Variants in NEK10 observed in about 807,000 individuals in gnomAD.
NEK10 encodes the protein serine/threonine-protein kinase Nek10.
A neutral mutation model predicts 159.8 loss-of-function variants in NEK10; 122 were observed. The ratio of observed to expected loss-of-function variants is 0.76; its 90% CI spans 0.66 to 0.89. The LOEUF (loss-of-function observed/expected upper bound fraction) is 0.89. Ranked by LOEUF, NEK10 falls within the 40% of genes least tolerant of loss-of-function variation. The pLI is 0.00. For synonymous variants in NEK10, 466 were observed against 457.1 expected, an observed-to-expected ratio of 1.02 and a Z score of -0.25; for missense variants, 1,342 against 1,323.1, an observed-to-expected ratio of 1.01 and a Z score of -0.22.
chr3:27,282,093 A>C (rs977224138), intron 22 of NEK10, among the ~76,000 whole-genome samples: 1 of 152,182 alleles, frequency 6.6e-6, no homozygotes, highest in Non-Finnish European at 1.5e-5. Flanking sequence ...ACTTAACATA[A>C]AATTCTGCTG....
At chr3:27,142,404 T>C (rs1943872615) in intron 30 of NEK10, among the ~76,000 whole-genome samples, 1 of 152,156 alleles carries the variant, frequency 6.6e-6, no homozygotes, top group Non-Finnish European at 1.5e-5. Flanking sequence ...ATATGTGATG[T>C]GCATTATCTT....
intron 22 of NEK10, among the ~76,000 whole-genome samples, chr3:27,273,196 C>A (rs1048373014): frequency 6.6e-6 from 1 of 152,102 alleles, no homozygotes; most frequent in Non-Finnish European, 1.5e-5. Context: ...TATGCAAGAC[C>A]CTGCAGCCAT....
At chr3:27,330,054 TTG>T (rs1324228551) in intron 5 of NEK10, among the ~76,000 whole-genome samples, 2 of 152,208 alleles carry the variant, frequency 1.3e-5, no homozygotes, top group African/African-American at 2.4e-5. Flanking sequence ...CTTTTTATTG[TTG>T]TGTTTTTTAT....
intron 23 of NEK10, among the ~76,000 whole-genome samples, chr3:27,243,011 T>G (rs1236558672): frequency 1.3e-5 from 2 of 152,214 alleles, no homozygotes; most frequent in Non-Finnish European, 2.9e-5. Flanking sequence ...TTGTCACAGT[T>G]TAACAGTTTA....
At chr3:27,187,474 T>C (rs1478180211) in intron 26 of NEK10, among the ~76,000 whole-genome samples, 1 of 152,066 alleles carries the variant, frequency 6.6e-6, no homozygotes, top group Non-Finnish European at 1.5e-5. Flanking sequence ...CAAATTCATA[T>C]GAAATGAAAT....
intron 26 of NEK10, among the ~76,000 whole-genome samples, chr3:27,177,778 A>G (rs991696725): frequency 2.6e-5 from 4 of 152,182 alleles, no homozygotes; most frequent in South Asian, 2.1e-4. Context: ...GCTTTGCACA[A>G]TGCCTTACAC....
At chr3:27,297,346 T>TAAAAA in intron 13 of NEK10, 106 bp from the exon 14 acceptor site, 1 of 726,834 alleles carries the variant, frequency 1.4e-6, no homozygotes, top group Non-Finnish European at 2.3e-6. Context: ...GCTATTTTTA[T>TAAAAA]TAGCAAAGTA....
intron 22 of NEK10, among the ~76,000 whole-genome samples, chr3:27,260,340 G>GATAT (rs1338829243): frequency 4.6e-5 from 7 of 152,152 alleles, no homozygotes; most frequent in African/African-American, 1.7e-4. Context: ...CATTCAGTAT[G>GATAT]ATATTGCCTG....
intron 2 of NEK10, 69 bp from the exon 3 acceptor site, chr3:27,352,594 G>A (rs1172982153): frequency 4.4e-6 from 5 of 1,148,002 alleles, no homozygotes; most frequent in Non-Finnish European, 6.6e-6. Context: ...GTTACCCACT[G>A]ATGGCATTGC....
chr3:27,250,409 A>G (rs1041370620), intron 23 of NEK10, among the ~76,000 whole-genome samples: 1 of 152,014 alleles, frequency 6.6e-6, no homozygotes, highest in Admixed American at 6.6e-5. Context: ...GATGGTCTCG[A>G]TCTCCTGACC....
chr3:27,191,302 A>C (rs1219888171), intron 26 of NEK10, among the ~76,000 whole-genome samples: 1 of 152,178 alleles, frequency 6.6e-6, no homozygotes, highest in Non-Finnish European at 1.5e-5. Flanking sequence ...AACAGGAAAA[A>C]AAAAAAAAGG....
At chr3:27,270,951 A>G (rs1270543117) in intron 22 of NEK10, among the ~76,000 whole-genome samples, 1 of 152,160 alleles carries the variant, frequency 6.6e-6, no homozygotes, top group East Asian at 1.9e-4. Flanking sequence ...ATTATCTGAA[A>G]TTACTTTATG....
chr3:27,362,537 A>G (rs896415702), intron 1 of NEK10, among the ~76,000 whole-genome samples: 1 of 151,874 alleles, frequency 6.6e-6, no homozygotes, highest in African/African-American at 2.4e-5. Flanking sequence ...CACCAGAGGT[A>G]ATTATATGAG....
At chr3:27,232,824 T>C (rs1953452299) in intron 23 of NEK10, among the ~76,000 whole-genome samples, 1 of 152,032 alleles carries the variant, frequency 6.6e-6, no homozygotes, top group South Asian at 2.1e-4. Flanking sequence ...GGATACACTA[T>C]TCAATAAACG....
At chr3:27,122,529 A>T (rs948078429) in intron 32 of NEK10, among the ~76,000 whole-genome samples, 3 of 152,152 alleles carry the variant, frequency 2.0e-5, no homozygotes, top group African/African-American at 7.2e-5. Flanking sequence ...AGCCCTGAGC[A>T]TTCTGTATAT....
At chr3:27,164,043 A>C (rs144689615) in intron 29 of NEK10, among the ~76,000 whole-genome samples, 70 of 152,296 alleles carry the variant, frequency 4.6e-4, no homozygotes, top group African/African-American at 1.6e-3. Flanking sequence ...CTTGATCCTC[A>C]CCAGGCTAAC....
At chr3:27,311,044 G>A (rs1406068664) in intron 8 of NEK10, 28 bp from the exon 9 acceptor site, 2 of 1,459,626 alleles carry the variant, frequency 1.4e-6, no homozygotes, top group East Asian at 2.3e-5. Context: ...AGCGCAAAGA[G>A]GCATCCAGAG....
At chr3:27,123,594 T>C (rs995537979) in intron 32 of NEK10, among the ~76,000 whole-genome samples, 2 of 152,206 alleles carry the variant, frequency 1.3e-5, no homozygotes, top group Non-Finnish European at 2.9e-5. Context: ...ATAAAAATTA[T>C]ACTCTTGGAG....
Position 27,344,340 on chromosome 3 carries a change from G to T in NEK10, c.294C>A (p.Ser98Arg). Reference protein sequence around the residue: ...SINYKNERNFSKHPQRKLFQE... With the variant: ...SINYKNERNFRKHPQRKLFQE... ...GAAATAGTTTACGCTGAGGATGTTT[G>T]CTGAAATTTCTCTCATTCTTGTAGT... The change falls in exon 5 of 36, where the codon AGC becomes AGA. Residue 98 changes from serine to arginine, a missense_variant. Coordinates refer to ENST00000691995, the MANE Select transcript of NEK10 (RefSeq NM_001394966.1). 1 of 1,592,220 alleles carries T rather than the reference G, an allele frequency of 6.3e-7. No homozygotes were observed. Among genetic ancestry groups the T allele is most frequent in the Non-Finnish European group, 8.6e-7 (1 of 1,164,330 alleles).
Sources: gnomAD v4.1 joint callset for allele counts (sites outside exome capture counted in the v4.1 genomes callset) on GRCh38, gnomAD v4.1.1 for gene constraint, MANE v1.5 for transcripts, NCBI Gene and HGNC (gene_info 2026-07-23, HGNC 2026-07-21) for gene names.